Variants in SMIM35 observed in about 807,000 individuals in gnomAD.
SMIM35 encodes TMPRSS4 antisense RNA 1 (non-protein coding).
chr11:118,080,005 T>TC (rs1046492153), intron 1 of SMIM35, among the ~76,000 whole-genome samples: 36 of 151,080 alleles, frequency 2.4e-4, no homozygotes, highest in African/African-American at 5.1e-4. Context: ...CTGTAACCAC[T>TC]CCCCCCCCAC....
rs553262336 is a variant in SMIM35, at chr11:118,027,317, G to A, written c.8-11508C>T. On this transcript the variant is annotated intron_variant, in intron 1 of 4. Transcript: ENST00000689828. ...GCTGGGATTACAGGCGTGAGCCACC[G>A]CGCCCGGCCCACTTTTTTTTTTGCG... Among the ~76,000 whole-genome samples the A allele has an allele frequency of 5.2e-3, 781 of 149,466 alleles. 3 individuals are homozygous for A. The highest frequency in any genetic ancestry group is 8.1e-3 in the Non-Finnish European group (548 of 67,656).
rs888895429 is a variant in SMIM35 at position 118,053,501 on chromosome 11, C to A, written c.7+33250G>T. Among the ~76,000 whole-genome samples, 3 of 152,226 alleles carry A rather than the reference C, an allele frequency of 2.0e-5. No homozygotes were observed. The East Asian group carries it at 5.8e-4, about 29-fold the overall frequency. On this transcript the variant is annotated intron_variant, in intron 1 of 4. Transcript: ENST00000689828. ...GTCCCACCTGCATGGCTCCCATGCT[C>A]TGGCAACCCTTCCTTGGATTCCTTA... is the stretch of plus-strand genomic sequence containing the variant.
rs562678493 is a variant in SMIM35, at chr11:118,068,870, G to A, written c.7+17881C>T. Among the ~76,000 whole-genome samples the A allele has an allele frequency of 1.1e-3, 162 of 152,280 alleles. 1 individual carries two copies. The highest frequency in any genetic ancestry group is 3.8e-3 in the African/African-American group (156 of 41,542). On this transcript the variant is annotated intron_variant, in intron 1 of 4. Transcript: ENST00000689828. ...GTGGTCTCTCCCCACGCATCACTCC[G>A]TGGCCAGAAGCACTCAGTCAAGCCA... is the stretch of plus-strand genomic sequence containing the variant.
At position 118,018,933 on chromosome 11, in the gene SMIM35, T is replaced by A. The variant is rs144063729; in HGVS notation, c.8-3124A>T. 3.3e-3 allele frequency among the ~76,000 whole-genome samples: 508 copies of A among 151,802 alleles called. 3 individuals are homozygous for A. The highest frequency in any genetic ancestry group is 0.011 in the African/African-American group (446 of 41,338). On this transcript the variant is annotated intron_variant, in intron 1 of 4. Coordinates refer to ENST00000689828, the MANE Select transcript of SMIM35 (RefSeq NM_001394165.1). ...CATAAAATAGCATGAAGAACAGCCATGTGCCTACTAGTAATTTTTCAAAGA... is the reference window on the plus strand; with the variant it reads ...CATAAAATAGCATGAAGAACAGCCAAGTGCCTACTAGTAATTTTTCAAAGA...
At chr11:118,069,735 T>A (rs1018202925) in intron 1 of SMIM35, among the ~76,000 whole-genome samples, 3 of 152,316 alleles carry the variant, frequency 2.0e-5, no homozygotes, top group East Asian at 3.9e-4. Context: ...TTCTGTTATC[T>A]TGGGAGCTGG....
At chr11:118,025,980 G>T (rs903668638) in intron 1 of SMIM35, 6 of 303,992 alleles carry the variant, frequency 2.0e-5, no homozygotes, top group Middle Eastern at 1.2e-3. Flanking sequence ...TATGGTGAAA[G>T]TTAGGGGTCC....
chr11:118,063,753 A>G (rs1944427871), intron 1 of SMIM35, among the ~76,000 whole-genome samples: 1 of 152,244 alleles, frequency 6.6e-6, no homozygotes. Context: ...AGTCTCCATA[A>G]AAGCCTAAAA....
rs1627500 is a variant in SMIM35 at position 118,023,879 on chromosome 11, A to T, written c.8-8070T>A. Among the ~76,000 whole-genome samples, 880 of 152,148 alleles carry T rather than the reference A, an allele frequency of 5.8e-3. 8 individuals are homozygous for T. The highest frequency in any genetic ancestry group is 0.02 in the African/African-American group (811 of 41,498). On this transcript the variant is annotated intron_variant, in intron 1 of 4. Transcript: ENST00000689828. ...GAAACACCATCTCTACCAAAAATAT[A>T]AAAAAATTAGCCAGGTGTGGTGGCG...
intron 1 of SMIM35, among the ~76,000 whole-genome samples, chr11:118,077,970 GCCATTGCA>G (rs1323161161): frequency 1.6e-5 from 2 of 122,966 alleles, no homozygotes; most frequent in Admixed American, 2.3e-4. Flanking sequence ...CCAAGATTGT[GCCATTGCA>G]CTCCAACCTG....
intron 1 of SMIM35, among the ~76,000 whole-genome samples, chr11:118,053,880 G>A (rs895229497): frequency 1.3e-5 from 2 of 152,096 alleles, no homozygotes; most frequent in South Asian, 2.1e-4. Flanking sequence ...AGACACAATC[G>A]CAAACACTGT....
intron 1 of SMIM35, among the ~76,000 whole-genome samples, chr11:118,077,564 C>T (rs949105142): frequency 1.3e-5 from 2 of 152,288 alleles, no homozygotes; most frequent in East Asian, 3.9e-4. Context: ...CTGTCCTTCC[C>T]GACTATTCTT....
At position 118,024,117 on chromosome 11, in the gene SMIM35, C is replaced by T. The variant is rs116296429; in HGVS notation, c.8-8308G>A. Among the ~76,000 whole-genome samples the T allele has an allele frequency of 6.6e-3, 993 of 149,694 alleles. 11 individuals carry two copies. Among genetic ancestry groups the T allele is most frequent in the African/African-American group, 0.023 (943 of 40,596 alleles). ...TAATTAGATTCCCTGAAGGAGAAAA[C>T]GAGGGAAAACAGAAAAAAAAATTTT... On this transcript the variant is annotated intron_variant, in intron 1 of 4. Transcript: ENST00000689828.
chr11:118,020,394 A>T (rs1460858172), intron 1 of SMIM35, among the ~76,000 whole-genome samples: 1 of 152,142 alleles, frequency 6.6e-6, no homozygotes, highest in East Asian at 1.9e-4. Flanking sequence ...TGAATTTGGG[A>T]ATTCGTTTTT....
chr11:118,084,346 G>A (rs895498333), intron 1 of SMIM35, among the ~76,000 whole-genome samples: 1 of 152,224 alleles, frequency 6.6e-6, no homozygotes, highest in Non-Finnish European at 1.5e-5. Context: ...TGAAGCACTC[G>A]ACGAGTTATG....
At chr11:118,056,979 A>C (rs988461971) in intron 1 of SMIM35, among the ~76,000 whole-genome samples, 3 of 152,154 alleles carry the variant, frequency 2.0e-5, no homozygotes, top group African/African-American at 7.2e-5. Context: ...ACACATTTCC[A>C]TGAGAACTGG....
chr11:118,032,772 G>C (rs1257763839), intron 1 of SMIM35, among the ~76,000 whole-genome samples: 1 of 152,060 alleles, frequency 6.6e-6, no homozygotes, highest in East Asian at 1.9e-4. Context: ...TCCAGGCGTG[G>C]TGGCAGGCGC....
intron 1 of SMIM35, among the ~76,000 whole-genome samples, chr11:118,042,068 A>AAAGAGAGAGAGAG (rs1555073518): frequency 3.1e-4 from 36 of 117,890 alleles, no homozygotes; most frequent in African/African-American, 1.1e-3. Context: ...AAAAAAAAAA[A>AAAGAGAGAGAGAG]AGAGAGAGAG....
chr11:118,017,145 T>A (rs2058189418), intron 1 of SMIM35, among the ~76,000 whole-genome samples: 1 of 152,096 alleles, frequency 6.6e-6, no homozygotes, highest in Non-Finnish European at 1.5e-5. Flanking sequence ...CTCATCATAC[T>A]AGGAAAAAAT....
intron 1 of SMIM35, among the ~76,000 whole-genome samples, chr11:118,030,431 G>A (rs746076734): frequency 1.3e-5 from 2 of 152,084 alleles, no homozygotes; most frequent in South Asian, 4.2e-4. Context: ...GAAAGAAAGT[G>A]AAAACCAAAA....
Sources: gnomAD v4.1 joint callset for allele counts (sites outside exome capture counted in the v4.1 genomes callset) on GRCh38, gnomAD v4.1.1 for gene constraint, MANE v1.5 for transcripts, NCBI Gene and HGNC (gene_info 2026-07-23, HGNC 2026-07-21) for gene names.